SNTG1: variants seen among roughly 807,000 people sequenced by gnomAD.
SNTG1 encodes gamma-1-syntrophin.
Under a neutral mutation model 74.7 loss-of-function variants are expected in SNTG1, and 39 were observed. That is an observed-to-expected ratio of 0.52 (90% CI 0.40 to 0.68). The LOEUF is 0.68. Among genes scored for constraint, SNTG1 ranks in the 30% least tolerant of loss-of-function variants. The pLI is 0.00. For missense variants in SNTG1, 685 were observed against 609.5 expected, an observed-to-expected ratio of 1.12 and a Z score of -1.30; for synonymous variants, 254 against 217.1, an observed-to-expected ratio of 1.17 and a Z score of -1.49.
At chr8:50,570,593 T>C (rs1163907955) in intron 12 of SNTG1, among the ~76,000 whole-genome samples, 1 of 139,560 alleles carries the variant, frequency 7.2e-6, no homozygotes, top group Non-Finnish European at 1.5e-5. Flanking sequence ...TTATTGTTGT[T>C]ATTATTATTA....
intron 18 of SNTG1, among the ~76,000 whole-genome samples, chr8:50,754,184 T>C (rs1242668677): frequency 6.6e-6 from 1 of 151,790 alleles, no homozygotes; most frequent in Non-Finnish European, 1.5e-5. Context: ...CATAAGCTTT[T>C]ATTTATCTGG....
chr8:50,702,511 A>C (rs2095429650), intron 15 of SNTG1, among the ~76,000 whole-genome samples: 1 of 152,208 alleles, frequency 6.6e-6, no homozygotes, highest in Non-Finnish European at 1.5e-5. Flanking sequence ...ATTATTTTTT[A>C]AACATTTGCC....
intron 2 of SNTG1, among the ~76,000 whole-genome samples, chr8:50,277,432 T>C (rs933626258): frequency 3.9e-5 from 6 of 152,196 alleles, no homozygotes; most frequent in Non-Finnish European, 8.8e-5. Flanking sequence ...ACAGACAAAT[T>C]ATATGTATTT....
chr8:50,715,094 C>T (rs1462387014), intron 17 of SNTG1, among the ~76,000 whole-genome samples: 1 of 152,040 alleles, frequency 6.6e-6, no homozygotes, highest in African/African-American at 2.4e-5. Context: ...ACAAATAACA[C>T]CTGAGTGTTA....
intron 17 of SNTG1, among the ~76,000 whole-genome samples, chr8:50,741,044 G>A (rs930678301): frequency 2.0e-5 from 3 of 152,128 alleles, no homozygotes; most frequent in African/African-American, 4.8e-5. Context: ...CTGGGTACTA[G>A]GCTTAATACC....
chr8:49,962,970 G>A (rs1810830759), intron 1 of SNTG1, among the ~76,000 whole-genome samples: 1 of 152,176 alleles, frequency 6.6e-6, no homozygotes, highest in South Asian at 2.1e-4. Flanking sequence ...CAGGGGTACA[G>A]CCAGGGATCC....
chr8:50,726,343 A>G (rs540001145), intron 17 of SNTG1, among the ~76,000 whole-genome samples: 1 of 152,342 alleles, frequency 6.6e-6, no homozygotes, highest in African/African-American at 2.4e-5. Context: ...TTTTTGAAAA[A>G]GCTTCCCTAA....
Position 50,000,930 on chromosome 8 carries a change from G to C in SNTG1, c.-103+88699G>C, listed in dbSNP as rs1270903130. The stretch of plus-strand genomic sequence containing the variant: ...AAACATCAGAGCACATTTGCCAAGA[G>C]ATAGAGTTGTCAAAGCCTTTCTTTT... On this transcript the variant is annotated intron_variant, in intron 1 of 18. Transcript: ENST00000642720. 3.3e-5 allele frequency among the ~76,000 whole-genome samples: 5 copies of C among 152,178 alleles called. No individual in the cohort carries two copies. In the East Asian group the frequency reaches 9.6e-4, roughly 29 times the overall value.
chr8:50,721,710 C>A (rs1019728276), intron 17 of SNTG1, among the ~76,000 whole-genome samples: 5 of 152,156 alleles, frequency 3.3e-5, no homozygotes, highest in Admixed American at 6.5e-5. Flanking sequence ...GTTGTGATTT[C>A]TACTTCTTAG....
chr8:50,588,091 G>T (rs967915084), intron 12 of SNTG1, among the ~76,000 whole-genome samples: 1 of 151,480 alleles, frequency 6.6e-6, no homozygotes, highest in Admixed American at 6.6e-5. Flanking sequence ...CTGCACTACA[G>T]CCTGGGTGAC....
At position 50,298,979 on chromosome 8, in the gene SNTG1, G is replaced by A. The variant is rs539438065; in HGVS notation, c.-27-95233G>A. On this transcript the variant is annotated intron_variant, in intron 2 of 18. Coordinates refer to ENST00000642720, the MANE Select transcript of SNTG1 (RefSeq NM_018967.5). ...TTTTTTATAAAGTATTGAAGTTCAC[G>A]TTGTTTTTAAATGCCTTTGTTTGAA... Among the ~76,000 whole-genome samples the A allele has an allele frequency of 6.4e-4, 98 of 152,224 alleles. No homozygotes were observed. The Middle Eastern group carries it at 0.01, about 16-fold the overall frequency.
intron 2 of SNTG1, among the ~76,000 whole-genome samples, chr8:50,330,274 G>A (rs756939206): frequency 2.0e-5 from 3 of 152,114 alleles, no homozygotes; most frequent in Non-Finnish European, 4.4e-5. Flanking sequence ...GAAAGGATCT[G>A]TTTGTTTCCC....
intron 1 of SNTG1, among the ~76,000 whole-genome samples, chr8:50,061,965 G>T (rs1460775496): frequency 6.6e-6 from 1 of 151,942 alleles, no homozygotes; most frequent in Non-Finnish European, 1.5e-5. Context: ...GGTTGATTGT[G>T]TTCTTCACAT....
At chr8:50,440,244 A>G (rs1312649677) in intron 5 of SNTG1, among the ~76,000 whole-genome samples, 11 of 151,986 alleles carry the variant, frequency 7.2e-5, no homozygotes, top group Admixed American at 7.2e-4. Flanking sequence ...ACACACTCTG[A>G]CAAGAAATAC....
chr8:50,433,825 AT>A (rs1316449548), intron 4 of SNTG1, among the ~76,000 whole-genome samples: 1 of 152,192 alleles, frequency 6.6e-6, no homozygotes, highest in Non-Finnish European at 1.5e-5. Flanking sequence ...AGTCGAGGGC[AT>A]AGTTCTCTTC....
At chr8:50,279,685 C>A (rs916358172) in intron 2 of SNTG1, among the ~76,000 whole-genome samples, 1 of 152,056 alleles carries the variant, frequency 6.6e-6, no homozygotes, top group African/African-American at 2.4e-5. Context: ...GTATATCATG[C>A]ATACAAGAGA....
At chr8:50,519,857 G>A (rs1485254759) in intron 9 of SNTG1, among the ~76,000 whole-genome samples, 1 of 151,990 alleles carries the variant, frequency 6.6e-6, no homozygotes, top group Admixed American at 6.6e-5. Context: ...AGAATCAATA[G>A]AGTGAAAATG....
intron 15 of SNTG1, among the ~76,000 whole-genome samples, chr8:50,697,121 A>G (rs181145103): frequency 9.7e-4 from 147 of 152,064 alleles, no homozygotes; most frequent in Non-Finnish European, 1.6e-3. Context: ...AATTTCTTTT[A>G]TCAGTGTTTT....
intron 1 of SNTG1, among the ~76,000 whole-genome samples, chr8:49,962,581 C>T (rs1376524224): frequency 2.0e-5 from 3 of 151,852 alleles, no homozygotes; most frequent in Non-Finnish European, 4.4e-5. Context: ...TAGATGCATC[C>T]TGCCCTTCTT....
Sources: allele counts gnomAD v4.1 joint callset (sites outside exome capture counted in the v4.1 genomes callset), GRCh38; gene constraint gnomAD v4.1.1; transcripts MANE v1.5; gene names NCBI Gene and HGNC (gene_info 2026-07-23, HGNC 2026-07-21).